FBXO16: variants seen among roughly 807,000 people sequenced by gnomAD.
The protein encoded by FBXO16 is F-box only protein 16.
A neutral mutation model predicts 41.0 loss-of-function variants in FBXO16; 31 were observed. The ratio of observed to expected loss-of-function variants is 0.76; its 90% CI spans 0.57 to 1.02. The LOEUF (loss-of-function observed/expected upper bound fraction) is 1.02. Among genes scored for constraint, FBXO16 ranks in the 50% least tolerant of loss-of-function variants. The pLI, the probability that FBXO16 is intolerant of heterozygous loss-of-function variation, is 0.00. For missense variants in FBXO16, 361 were observed against 346.2 expected, an observed-to-expected ratio of 1.04 and a Z score of -0.34; for synonymous variants, 133 against 117.8, an observed-to-expected ratio of 1.13 and a Z score of -0.84.
chr8:28,486,799 C>A (rs915463956), intron 1 of FBXO16, among the ~76,000 whole-genome samples: 7 of 151,888 alleles, frequency 4.6e-5, no homozygotes, highest in Non-Finnish European at 1.0e-4. Flanking sequence ...GTGATTGCAC[C>A]ACTGTACTCC....
chr8:28,485,831 G>A (rs75107827), intron 1 of FBXO16, among the ~76,000 whole-genome samples: 2,280 of 152,290 alleles, frequency 0.015, 62 homozygotes, highest in African/African-American at 0.051. Context: ...GATACAGGCC[G>A]GCATGGTGCC....
chr8:28,464,820 A>C (rs1183657064), intron 3 of FBXO16, among the ~76,000 whole-genome samples: 1 of 152,088 alleles, frequency 6.6e-6, no homozygotes, highest in South Asian at 2.1e-4. Flanking sequence ...CACCTGGCTA[A>C]CTTTAGTATT....
At chr8:28,433,253 G>A (rs1310070176) in intron 7 of FBXO16, among the ~76,000 whole-genome samples, 1 of 152,140 alleles carries the variant, frequency 6.6e-6, no homozygotes, top group Non-Finnish European at 1.5e-5. Flanking sequence ...TGCCGTTATA[G>A]TGTCTTTAAA....
At chr8:28,463,370 A>T (rs1200530070) in intron 4 of FBXO16, among the ~76,000 whole-genome samples, 3 of 139,690 alleles carry the variant, frequency 2.1e-5, no homozygotes, top group African/African-American at 7.7e-5. Flanking sequence ...ATGTGTGTAT[A>T]TGTGTGTGTT....
In FBXO16 at chr8:28,486,429, G is replaced by A. The variant is rs146525175; in HGVS notation, c.-16-2967C>T. On this transcript the variant is annotated intron_variant, in intron 1 of 8. Coordinates refer to ENST00000380254, the MANE Select transcript of FBXO16 (RefSeq NM_172366.4). ...AGTAGAGACAGGGTTTCACCATGTT[G>A]GTCAGGCTGGTCTCAAACTCCTGAC... is the stretch of plus-strand genomic sequence containing the variant. 9.1e-3 allele frequency among the ~76,000 whole-genome samples: 1,390 copies of A among 151,998 alleles called. 18 individuals carry two copies. The highest frequency in any genetic ancestry group is 0.03 in the African/African-American group (1,262 of 41,472).
chr8:28,484,037 T>C (rs1803561316), intron 1 of FBXO16, among the ~76,000 whole-genome samples: 1 of 152,180 alleles, frequency 6.6e-6, no homozygotes, highest in South Asian at 2.1e-4. Flanking sequence ...GATGTTACCC[T>C]GTCCAAGGTC....
intron 7 of FBXO16, among the ~76,000 whole-genome samples, chr8:28,435,868 G>A (rs1318831005): frequency 6.6e-6 from 1 of 152,152 alleles, no homozygotes; most frequent in African/African-American, 2.4e-5. Context: ...GATTTCACCA[G>A]GGACCCACCC....
At chr8:28,437,387 C>A (rs115077745) in intron 7 of FBXO16, among the ~76,000 whole-genome samples, 290 of 152,282 alleles carry the variant, frequency 1.9e-3, no homozygotes, top group African/African-American at 5.3e-3. Flanking sequence ...GCAAAGACTC[C>A]AAGTAGCGGG....
At chr8:28,473,214 G>C (rs1585916572) in intron 3 of FBXO16, among the ~76,000 whole-genome samples, 1 of 152,050 alleles carries the variant, frequency 6.6e-6, no homozygotes, top group African/African-American at 2.4e-5. Flanking sequence ...AATAAGATAC[G>C]ACTTCTGTTT....
At chr8:28,463,236 T>C (rs548665010) in intron 4 of FBXO16, among the ~76,000 whole-genome samples, 2 of 140,300 alleles carry the variant, frequency 1.4e-5, no homozygotes, top group South Asian at 2.1e-4. Context: ...GTGTGTGTGT[T>C]TGTGTACACG....
At chr8:28,434,796 C>T (rs576815122) in intron 7 of FBXO16, among the ~76,000 whole-genome samples, 2 of 150,948 alleles carry the variant, frequency 1.3e-5, no homozygotes, top group African/African-American at 5.0e-5. Context: ...TGAGTGAGTG[C>T]GGGACCCAGT....
At chr8:28,488,166 A>G (rs1803632850) in intron 1 of FBXO16, among the ~76,000 whole-genome samples, 1 of 151,536 alleles carries the variant, frequency 6.6e-6, no homozygotes, top group South Asian at 2.1e-4. Flanking sequence ...TTCATCTTTA[A>G]TTTTTCTTAG....
intron 2 of FBXO16, among the ~76,000 whole-genome samples, chr8:28,478,918 A>G (rs191599430): frequency 2.4e-3 from 359 of 151,510 alleles, no homozygotes; most frequent in African/African-American, 7.6e-3. Flanking sequence ...ATGGTTTAGC[A>G]CCATCCTCCT....
At chr8:28,455,465 G>A (rs1336135259) in intron 5 of FBXO16, among the ~76,000 whole-genome samples, 2 of 152,148 alleles carry the variant, frequency 1.3e-5, no homozygotes, top group African/African-American at 4.8e-5. Context: ...TCAAACTCCT[G>A]GCCTCAAGCA....
At chr8:28,476,440 G>T (rs1001978334) in intron 2 of FBXO16, among the ~76,000 whole-genome samples, 6 of 152,206 alleles carry the variant, frequency 3.9e-5, no homozygotes, top group Non-Finnish European at 2.9e-5. Context: ...TTGTTGTCAG[G>T]TTCTCAGTTG....
At chr8:28,455,928 T>C (rs1476488839) in intron 5 of FBXO16, 1 of 152,194 alleles carries the variant, frequency 6.6e-6, no homozygotes, top group Non-Finnish European at 1.5e-5. Context: ...ACTGTTCATA[T>C]TTCAAAAGGA....
intron 2 of FBXO16, among the ~76,000 whole-genome samples, chr8:28,479,577 T>G (rs897746447): frequency 2.6e-5 from 4 of 152,212 alleles, no homozygotes; most frequent in Non-Finnish European, 4.4e-5. Context: ...TTCACAATTC[T>G]ATGGGAAGAC....
At position 28,452,789 on chromosome 8, in the gene FBXO16, G is replaced by A. The variant is rs141686487; in HGVS notation, c.508-313C>T. ...GCGCTCCAGGCTGGGTGACAAGAGC[G>A]AGACTCCATCTCAAAAAACAAAACA... On this transcript the variant is annotated intron_variant, in intron 5 of 8. Transcript: ENST00000380254. Among the ~76,000 whole-genome samples, 1,404 of 151,758 alleles carry A rather than the reference G, an allele frequency of 9.3e-3. 11 individuals are homozygous for A. Among genetic ancestry groups the A allele is most frequent in the Non-Finnish European group, 0.013 (905 of 67,948 alleles).
chr8:28,447,494 G>A, intron 6 of FBXO16: 1 of 492,402 alleles, frequency 2.0e-6, no homozygotes, highest in East Asian at 3.7e-5. Context: ...AAAGCAGGAT[G>A]TTTCTATATT....
Sources: gnomAD v4.1 joint callset for allele counts (sites outside exome capture counted in the v4.1 genomes callset) on GRCh38, gnomAD v4.1.1 for gene constraint, MANE v1.5 for transcripts, NCBI Gene and HGNC (gene_info 2026-07-23, HGNC 2026-07-21) for gene names.